CNTN5: variants seen among roughly 807,000 people sequenced by gnomAD.
CNTN5 encodes the protein contactin-5.
A neutral mutation model predicts 129.1 loss-of-function variants in CNTN5; 77 were observed. The ratio of observed to expected loss-of-function variants is 0.60; its 90% CI spans 0.50 to 0.72. The LOEUF is 0.72. CNTN5 is among the 30% of genes least tolerant of loss of function. CNTN5 has a pLI of 0.00. For missense variants in CNTN5, 1,478 were observed against 1,328.8 expected, an observed-to-expected ratio of 1.11 and a Z score of -1.75; for synonymous variants, 509 against 465.6, an observed-to-expected ratio of 1.09 and a Z score of -1.20.
intron 3 of CNTN5, among the ~76,000 whole-genome samples, chr11:99,670,071 C>A (rs2135943073): frequency 6.6e-6 from 1 of 152,116 alleles, no homozygotes; most frequent in South Asian, 2.1e-4. Context: ...TTATTAATGT[C>A]TTTGGTTCTT....
chr11:99,902,699 C>A (rs189695373), intron 6 of CNTN5, among the ~76,000 whole-genome samples: 11 of 152,146 alleles, frequency 7.2e-5, no homozygotes, highest in Admixed American at 4.6e-4. Context: ...ACAAAAGTAA[C>A]CTGTTAAAAA....
At chr11:99,758,970 A>G (rs182553642) in intron 3 of CNTN5, among the ~76,000 whole-genome samples, 1 of 152,200 alleles carries the variant, frequency 6.6e-6, no homozygotes, top group Admixed American at 6.6e-5. Context: ...GAGAATTGCA[A>G]TAGTATTCCA....
intron 10 of CNTN5, among the ~76,000 whole-genome samples, chr11:100,065,176 G>A (rs2137830173): frequency 1.3e-5 from 2 of 152,152 alleles, no homozygotes; most frequent in Admixed American, 1.3e-4. Flanking sequence ...TCAGTGTAGA[G>A]TGGTATTATA....
intron 1 of CNTN5, among the ~76,000 whole-genome samples, chr11:99,069,374 A>G (rs1865238037): frequency 6.6e-6 from 1 of 152,178 alleles, no homozygotes; most frequent in African/African-American, 2.4e-5. Flanking sequence ...GGATGATTGA[A>G]AAAGAGAGTT....
chr11:99,298,436 C>G (rs1456926551), intron 1 of CNTN5, among the ~76,000 whole-genome samples: 1 of 152,076 alleles, frequency 6.6e-6, no homozygotes, highest in Non-Finnish European at 1.5e-5. Flanking sequence ...TGAAGTATGG[C>G]CACTGGGATT....
chr11:99,832,670 T>G (rs1262925710), intron 4 of CNTN5, among the ~76,000 whole-genome samples: 1 of 152,220 alleles, frequency 6.6e-6, no homozygotes, highest in Non-Finnish European at 1.5e-5. Flanking sequence ...GCAAAAATTT[T>G]TCTCACCTTG....
intron 3 of CNTN5, among the ~76,000 whole-genome samples, chr11:99,721,311 A>C (rs1423990391): frequency 6.6e-6 from 1 of 151,936 alleles, no homozygotes; most frequent in Non-Finnish European, 1.5e-5. Flanking sequence ...CAGAATAAAT[A>C]GACCAGAAAT....
chr11:99,601,074 T>C, intron 3 of CNTN5, among the ~76,000 whole-genome samples: 1 of 152,214 alleles, frequency 6.6e-6, no homozygotes, highest in East Asian at 1.9e-4. Context: ...ATATACCTTA[T>C]TTCCCTTTTT....
intron 2 of CNTN5, among the ~76,000 whole-genome samples, chr11:99,541,663 G>T (rs1392146904): frequency 6.6e-6 from 1 of 152,020 alleles, no homozygotes; most frequent in African/African-American, 2.4e-5. Context: ...GAAATTTTGG[G>T]CTCAGCCAGG....
At chr11:100,037,154 A>G (rs1081348) in intron 9 of CNTN5, among the ~76,000 whole-genome samples, 56,833 of 136,180 alleles carry the variant, frequency 0.42, 12,739 homozygotes, top group African/African-American at 0.54. Context: ...TCAATACCTA[A>G]TTTATTAAGA....
intron 2 of CNTN5, among the ~76,000 whole-genome samples, chr11:99,401,334 A>C (rs1363204690): frequency 6.6e-6 from 1 of 152,140 alleles, no homozygotes; most frequent in African/African-American, 2.4e-5. Flanking sequence ...TACTGAAGAC[A>C]CTGTCTTTTC....
At chr11:99,381,073 G>C (rs1176440276) in intron 2 of CNTN5, among the ~76,000 whole-genome samples, 1 of 152,104 alleles carries the variant, frequency 6.6e-6, no homozygotes, top group Non-Finnish European at 1.5e-5. Context: ...GATGATATCA[G>C]TATGGTGCCC....
At chr11:99,403,008 C>CTTT (rs56376015) in intron 2 of CNTN5, among the ~76,000 whole-genome samples, 3 of 142,112 alleles carry the variant, frequency 2.1e-5, no homozygotes, top group Non-Finnish European at 3.0e-5. Context: ...TGTTAAACTT[C>CTTT]TTTTTTTTTT....
At chr11:99,810,194 G>C (rs1381560375) in intron 3 of CNTN5, among the ~76,000 whole-genome samples, 3 of 152,118 alleles carry the variant, frequency 2.0e-5, no homozygotes, top group African/African-American at 7.2e-5. Flanking sequence ...CAATGTTCAT[G>C]CTCTATCTGT....
chr11:100,074,998 A>T (rs1349994167), intron 13 of CNTN5, among the ~76,000 whole-genome samples: 1 of 152,168 alleles, frequency 6.6e-6, no homozygotes, highest in Non-Finnish European at 1.5e-5. Context: ...CAACTTTGAC[A>T]AAATAGTATC....
In CNTN5 at chr11:99,332,769, T is replaced by A. The variant is rs552122521; in HGVS notation, c.-71+7285T>A. On this transcript the variant is annotated intron_variant, in intron 2 of 24. Coordinates refer to ENST00000524871, the MANE Select transcript of CNTN5 (RefSeq NM_014361.4). ...GCAGAAAACCCCTGCAGCTAATGTA[T>A]GGTAAATTAACTAATTAGTCTATTA... 1.6e-4 allele frequency among the ~76,000 whole-genome samples: 24 copies of A among 152,174 alleles called. No individual in the cohort carries two copies. In the South Asian group the frequency reaches 5.0e-3, roughly 31 times the overall value.
chr11:99,344,933 C>T (rs185217239), intron 2 of CNTN5, among the ~76,000 whole-genome samples: 43 of 152,274 alleles, frequency 2.8e-4, no homozygotes, highest in Non-Finnish European at 2.4e-4. Flanking sequence ...CATTTCTGGA[C>T]CTCTTATTGG....
intron 3 of CNTN5, among the ~76,000 whole-genome samples, chr11:99,595,890 G>T (rs1460761408): frequency 6.6e-6 from 1 of 151,974 alleles, no homozygotes; most frequent in African/African-American, 2.4e-5. Flanking sequence ...GCCTTTTAAA[G>T]CCTTTGTGCT....
chr11:99,463,985 T>A (rs749729263), intron 2 of CNTN5, among the ~76,000 whole-genome samples: 2 of 152,226 alleles, frequency 1.3e-5, no homozygotes, highest in African/African-American at 2.4e-5. Flanking sequence ...CTATACCCTA[T>A]ACTGCAAAAT....
Sources: gnomAD v4.1 joint callset for allele counts (sites outside exome capture counted in the v4.1 genomes callset) on GRCh38, gnomAD v4.1.1 for gene constraint, MANE v1.5 for transcripts, NCBI Gene and HGNC (gene_info 2026-07-23, HGNC 2026-07-21) for gene names.